Variants in MARK4 observed in about 807,000 individuals in gnomAD.
MARK4 encodes MAP/microtubule affinity-regulating kinase 4.
A neutral mutation model predicts 81.5 loss-of-function variants in MARK4; 19 were observed. The observed-to-expected ratio is 0.23, with a 90% CI of 0.16 to 0.34. MARK4 has a LOEUF of 0.34. Ranked by LOEUF, MARK4 falls within the 10% of genes least tolerant of loss-of-function variation. The pLI, the probability that MARK4 is intolerant of heterozygous loss-of-function variation, is 1.00. For missense variants in MARK4, 772 were observed against 1,058.8 expected, an observed-to-expected ratio of 0.73 and a Z score of 3.76; for synonymous variants, 436 against 439.0, an observed-to-expected ratio of 0.99 and a Z score of 0.08.
chr19:45,259,053 G>T lies in MARK4; in HGVS notation c.116G>T (p.Gly39Val). ...KGPSWSSRSL[G>V]ARCRNSIASC... ...CCGTCCTGGTCCAGCCGCTCACTGG[G>T]TGCCCGTTGCCGGAACTCCATCGCC... Residue 39 changes from glycine (G) to valine (V), a missense_variant, in exon 2 of 17, where the codon GGT becomes GTT. Transcript: ENST00000262891. 1 of 1,614,034 alleles carries T rather than the reference G, an allele frequency of 6.2e-7. No individual in the cohort carries two copies. Among genetic ancestry groups the T allele is most frequent in the Non-Finnish European group, 8.5e-7 (1 of 1,180,034 alleles).
rs570503433 is a variant in MARK4 at position 45,254,215 on chromosome 19, G to A, written c.51+2576G>A. Among the ~76,000 whole-genome samples, 62 of 152,290 alleles carry A rather than the reference G, an allele frequency of 4.1e-4. 1 individual carries two copies. The highest frequency in any genetic ancestry group is 1.3e-3 in the African/African-American group (56 of 41,572). On this transcript the variant is annotated intron_variant, in intron 1 of 16. Transcript: ENST00000262891. ...CCGGGTGTTGGGGCGCCAGCCGGGCGGGAGGGAGCCAGGCCAGCTGGTGGT... is the reference window on the plus strand; with the variant it reads ...CCGGGTGTTGGGGCGCCAGCCGGGCAGGAGGGAGCCAGGCCAGCTGGTGGT...
intron 12 of MARK4, 39 bp from the exon 13 acceptor site, chr19:45,287,408 C>T (rs1970757140): frequency 5.2e-6 from 7 of 1,343,354 alleles, no homozygotes; most frequent in South Asian, 3.7e-5. Flanking sequence ...TCTGGGTTTC[C>T]GTGGTGATGC....
chr19:45,278,267 T>C (rs1450506331), intron 9 of MARK4, among the ~76,000 whole-genome samples: 1 of 152,032 alleles, frequency 6.6e-6, no homozygotes, highest in African/African-American at 2.4e-5. Context: ...GCCTTGCCAG[T>C]AATTAGCTAA....
rs1970991284 is a variant in MARK4, at chr19:45,302,559, C to T, written c.2108C>T (p.Ala703Val). 5 of 1,579,768 alleles carry T rather than the reference C, an allele frequency of 3.2e-6. No individual in the cohort carries two copies. Among genetic ancestry groups the T allele is most frequent in the East Asian group, 4.6e-5 (2 of 43,844 alleles). The change falls in exon 17 of 17, where the codon GCG becomes GTG. Residue 703 changes from alanine (A) to valine (V), a missense_variant. Physicochemically the swap from Ala to Val is moderately conservative, Grantham distance 64. Transcript: ENST00000262891. This position sits in a 1 kb window ranked among gnomAD's most constrained non-coding sequence, Gnocchi z 4.9. Reference sequence around the variant, plus strand: ...CTGCTGGCCTGCCTGCACGGGGGTGCGGGCGGGCCCGAGCCCCTGTCCCAC... The same window carrying T: ...CTGCTGGCCTGCCTGCACGGGGGTGTGGGCGGGCCCGAGCCCCTGTCCCAC... Reference protein sequence around the residue: ...PFLLACLHGGAGGPEPLSHFE... With the variant: ...PFLLACLHGGVGGPEPLSHFE...
chr19:45,275,630 G>A (rs76581259), intron 8 of MARK4, among the ~76,000 whole-genome samples: 1,878 of 152,276 alleles, frequency 0.012, 34 homozygotes, highest in African/African-American at 0.044. Context: ...CCCCCATCAC[G>A]TGATAGGCAG....
At chr19:45,257,420 G>A (rs959120317) in intron 1 of MARK4, among the ~76,000 whole-genome samples, 1 of 117,318 alleles carries the variant, frequency 8.5e-6, no homozygotes, top group African/African-American at 3.3e-5. Flanking sequence ...GTCCCACTCT[G>A]TCACCCAGAC....
chr19:45,287,215 A>G (rs1344879532), intron 12 of MARK4, among the ~76,000 whole-genome samples: 2 of 151,886 alleles, frequency 1.3e-5, no homozygotes, highest in Non-Finnish European at 2.9e-5. Context: ...AAAAAAAAAA[A>G]AAAAAAAGAA....
intron 7 of MARK4, among the ~76,000 whole-genome samples, chr19:45,267,724 C>T (rs1310667193): frequency 6.6e-6 from 1 of 152,116 alleles, no homozygotes; most frequent in Non-Finnish European, 1.5e-5. Context: ...GTGATGTTTC[C>T]ATCACAGCTC....
chr19:45,280,301 CAAAA>C (rs112096798), intron 10 of MARK4, 69 bp from the exon 11 acceptor site: 4 of 1,341,302 alleles, frequency 3.0e-6, no homozygotes, highest in South Asian at 2.4e-5. Context: ...CACCCTGTCT[CAAAA>C]AAAAAGAGAA....
chr19:45,300,525 A>C (rs2123115123), intron 16 of MARK4, among the ~76,000 whole-genome samples: 1 of 152,212 alleles, frequency 6.6e-6, no homozygotes, highest in Admixed American at 6.5e-5. Flanking sequence ...TTAGGCTTTG[A>C]GGGCCAGGCA....
At chr19:45,266,162 T>G (rs974617277) in intron 6 of MARK4, 63 bp from the exon 7 acceptor site, 20 of 1,541,048 alleles carry the variant, frequency 1.3e-5, no homozygotes, top group Admixed American at 1.2e-4. Context: ...GGTTTCACAG[T>G]CCACTGAGGG....
intron 11 of MARK4, 21 bp downstream of exon 11, chr19:45,280,504 C>T (rs1599792328): frequency 1.9e-5 from 31 of 1,614,070 alleles, no homozygotes; most frequent in Non-Finnish European, 2.5e-5. Flanking sequence ...GCCAGGGGCC[C>T]TTGGGGACGC....
rs139939647 is a variant in MARK4, at chr19:45,256,960, C to CT, written c.52-2019dup. Among the ~76,000 whole-genome samples, 39 of 147,554 alleles carry CT rather than the reference C, an allele frequency of 2.6e-4. No individual in the cohort carries two copies. In the East Asian group the frequency reaches 3.2e-3, roughly 12 times the overall value. On this transcript the variant is annotated intron_variant, in intron 1 of 16. Transcript: ENST00000262891. ...ATCTGATATCAGTGATGTTTTTCCT[C>CT]TTTTTTTTTTAGAGACAGGGTCTTG...
At chr19:45,294,655 A>C (rs994609829) in intron 14 of MARK4, among the ~76,000 whole-genome samples, 6 of 152,174 alleles carry the variant, frequency 3.9e-5, no homozygotes, top group African/African-American at 1.4e-4. Context: ...AAGCACCAGG[A>C]AAGCAGTTGG....
chr19:45,251,767 C>T (rs912132663), intron 1 of MARK4, 128 bp downstream of exon 1: 1 of 819,050 alleles, frequency 1.2e-6, no homozygotes, highest in East Asian at 3.3e-5. Context: ...CGTCACCTCT[C>T]GACCCCTCCC....
rs760629322 is a variant in MARK4 at position 45,271,633 on chromosome 19, G to A, written c.711G>A (p.Val237=). The A allele has an allele frequency of 6.2e-7, 1 of 1,614,252 alleles. No individual in the cohort carries two copies. The highest frequency in any genetic ancestry group is 8.5e-7 in the Non-Finnish European group (1 of 1,180,042). ...FQGKKYDGPE[V]DIWSLGVILY... is the part of the protein sequence containing the mutation. ...GCAAGAAGTACGACGGGCCGGAGGT[G>A]GACATCTGGAGCCTGGGAGTCATCC... Residue 237 remains valine, a synonymous_variant, in exon 8 of 17, where the codon GTG becomes GTA. Transcript: ENST00000262891. The surrounding 1 kb of genome is among the most constrained non-coding windows in gnomAD (Gnocchi z 4.1).
At chr19:45,263,741 C>CAA (rs1294501274) in intron 4 of MARK4, among the ~76,000 whole-genome samples, 9 of 78,556 alleles carry the variant, frequency 1.1e-4, no homozygotes, top group African/African-American at 2.4e-4. Context: ...GACTTCATCT[C>CAA]AAAAAAAAAA....
chr19:45,269,102 C>A (rs1010945728), intron 7 of MARK4, among the ~76,000 whole-genome samples: 1 of 152,178 alleles, frequency 6.6e-6, no homozygotes, highest in African/African-American at 2.4e-5. Context: ...CCTGGCCTGG[C>A]GTGACGGCTC....
At chr19:45,279,230 A>G (rs1408087678) in intron 10 of MARK4, among the ~76,000 whole-genome samples, 2 of 152,012 alleles carry the variant, frequency 1.3e-5, no homozygotes, top group Non-Finnish European at 2.9e-5. Context: ...AAAAAAAGAA[A>G]AAAAGGTCAG....
Sources: gnomAD v4.1 joint callset for allele counts (sites outside exome capture counted in the v4.1 genomes callset) on GRCh38, gnomAD v4.1.1 for gene constraint, Gnocchi (gnomAD v3.1) non-coding constraint, MANE v1.5 for transcripts, NCBI Gene and HGNC (gene_info 2026-07-23, HGNC 2026-07-21) for gene names.